ATE1: variants seen among roughly 807,000 people sequenced by gnomAD.
ATE1 encodes the protein arginyltransferase 1.
ATE1 carries 36 observed loss-of-function variants against 70.5 expected under a neutral mutation model. The ratio of observed to expected loss-of-function variants is 0.51; its 90% confidence interval spans 0.39 to 0.67. The LOEUF (loss-of-function observed/expected upper bound fraction) is 0.67. ATE1 is among the 30% of genes least tolerant of loss of function. The pLI, the probability that ATE1 is intolerant of heterozygous loss-of-function variation, is 0.00. For missense variants in ATE1, 593 were observed against 629.5 expected (o/e 0.94, Z 0.62); for synonymous variants, 232 against 219.3 (o/e 1.06, Z -0.51).
At chr10:121,847,963 C>G (rs552579310) in intron 8 of ATE1, among the ~76,000 whole-genome samples, 2 of 151,664 alleles carry the variant, frequency 1.3e-5, no homozygotes, top group African/African-American at 4.8e-5. Flanking sequence ...CCCAGCTACT[C>G]GGGAGGCTGA....
chr10:121,791,096 ATT>A lies in ATE1; in HGVS notation c.1258-809_1258-808del, dbSNP rs10584053. ...TGTGTGTGTGTGTGTGTGTATATAT[ATT>A]TTTTTTTTTTTTTGAGATAGATTCT... is the stretch of plus-strand genomic sequence containing the variant. On this transcript the variant is annotated intron_variant, in intron 10 of 11. Coordinates refer to ENST00000224652, the MANE Select transcript of ATE1 (RefSeq NM_001001976.3). Among the ~76,000 whole-genome samples the A allele has an allele frequency of 2.8e-4, 26 of 94,422 alleles. No homozygotes were observed. The East Asian group carries it at 5.4e-3, about 20-fold the overall frequency. The allele number at this position is 94,422 out of a possible 152,430, so 61.9% of individuals were successfully genotyped here. A position where few individuals can be genotyped will look rare whatever the true frequency, so the allele number is the denominator to read the frequency against.
chr10:121,920,634 A>C (rs1951844007), intron 3 of ATE1, among the ~76,000 whole-genome samples: 1 of 152,154 alleles, frequency 6.6e-6, no homozygotes, highest in Non-Finnish European at 1.5e-5. Context: ...AATCCAAAAG[A>C]TTATGAAAAA....
Position 121,752,318 on chromosome 10 carries a change from C to T in ATE1, c.1379-8460G>A, listed in dbSNP as rs1334998748. Among the ~76,000 whole-genome samples the T allele has an allele frequency of 2.0e-5, 3 of 150,736 alleles. No individual in the cohort carries two copies. The East Asian group carries it at 6.0e-4, about 30-fold the overall frequency. On this transcript the variant is annotated intron_variant, in intron 11 of 11. Transcript: ENST00000224652. ...CAACCTCTGCTCACTGCAAGCTCCGCCTTCCGGGTTCATGCCATTCTCCTG... is the reference window on the plus strand; with the variant it reads ...CAACCTCTGCTCACTGCAAGCTCCGTCTTCCGGGTTCATGCCATTCTCCTG...
intron 6 of ATE1, among the ~76,000 whole-genome samples, chr10:121,900,703 T>G (rs1170688770): frequency 6.6e-6 from 1 of 152,216 alleles, no homozygotes; most frequent in Non-Finnish European, 1.5e-5. Flanking sequence ...ACTGGACATG[T>G]GTGCCGTGAG....
intron 10 of ATE1, among the ~76,000 whole-genome samples, chr10:121,818,418 G>T (rs1392773764): frequency 1.3e-5 from 2 of 152,094 alleles, no homozygotes; most frequent in African/African-American, 2.4e-5. Flanking sequence ...ATGTTTCTAT[G>T]ATTTCAGTAA....
intron 11 of ATE1, among the ~76,000 whole-genome samples, chr10:121,745,599 C>T (rs762231426): frequency 6.5e-4 from 99 of 152,170 alleles, no homozygotes; most frequent in Non-Finnish European, 1.1e-3. Context: ...TGGTGGCGGG[C>T]GCCTGTAGTC....
Position 121,790,306 on chromosome 10 carries a change from G to A in ATE1, c.1258-17C>T, listed in dbSNP as rs1424163427. 5 of 1,608,434 alleles carry A rather than the reference G, an allele frequency of 3.1e-6. No homozygotes were observed. Among genetic ancestry groups the A allele is most frequent in the African/African-American group, 2.7e-5 (2 of 74,548 alleles). On this transcript the variant is annotated splice_polypyrimidine_tract_variant and intron_variant, in intron 10 of 11. Transcript: ENST00000224652. ...ATACTGACCCTGAAGAAAAGTGAAG[G>A]AAAAAGGCACAGGCATTATTAACAC... is the stretch of plus-strand genomic sequence containing the variant.
chr10:121,836,607 A>T, intron 10 of ATE1, 111 bp downstream of exon 10: 1 of 624,956 alleles, frequency 1.6e-6, no homozygotes, highest in Non-Finnish European at 2.7e-6. Context: ...ATTTCCTATT[A>T]ACCCATTCGT....
chr10:121,781,672 T>C (rs998996507), intron 11 of ATE1, among the ~76,000 whole-genome samples: 3 of 152,208 alleles, frequency 2.0e-5, no homozygotes, highest in African/African-American at 7.2e-5. Flanking sequence ...GAAACTAAGC[T>C]AAGACAGTCT....
chr10:121,802,781 G>A (rs1417986492), intron 10 of ATE1, among the ~76,000 whole-genome samples: 1 of 152,020 alleles, frequency 6.6e-6, no homozygotes, highest in Non-Finnish European at 1.5e-5. Context: ...CGTCTTCCAC[G>A]TTCCATACTA....
At chr10:121,889,520 G>A (rs1234638928) in intron 7 of ATE1, among the ~76,000 whole-genome samples, 1 of 152,012 alleles carries the variant, frequency 6.6e-6, no homozygotes, top group Admixed American at 6.6e-5. Flanking sequence ...TTCTATTTTG[G>A]GGCCAGGCAC....
At chr10:121,791,040 GTA>G (rs1197416606) in intron 10 of ATE1, among the ~76,000 whole-genome samples, 4 of 144,976 alleles carry the variant, frequency 2.8e-5, no homozygotes, top group Non-Finnish European at 4.5e-5. Context: ...GTATATATGT[GTA>G]TATATATGTA....
intron 11 of ATE1, 78 bp from the exon 12 acceptor site, chr10:121,743,936 T>C: frequency 7.1e-7 from 1 of 1,416,300 alleles, no homozygotes; most frequent in Non-Finnish European, 9.4e-7. Context: ...TTTTTTTTTT[T>C]TTTGAGACAA....
intron 8 of ATE1, among the ~76,000 whole-genome samples, chr10:121,857,219 T>G (rs575228919): frequency 6.6e-6 from 1 of 152,286 alleles, no homozygotes; most frequent in African/African-American, 2.4e-5. Flanking sequence ...AACACCCAGG[T>G]AGTTAAGCCT....
chr10:121,864,430 C>T (rs555376968), intron 8 of ATE1, among the ~76,000 whole-genome samples: 18 of 152,348 alleles, frequency 1.2e-4, no homozygotes, highest in Admixed American at 4.6e-4. Flanking sequence ...TCGCTGCTCA[C>T]CTGCTGAGTG....
intron 3 of ATE1, among the ~76,000 whole-genome samples, chr10:121,915,154 A>T (rs900388084): frequency 1.3e-5 from 2 of 152,230 alleles, no homozygotes; most frequent in African/African-American, 4.8e-5. Flanking sequence ...AGAACCTTTT[A>T]AAAAAATCCT....
chr10:121,854,406 T>A (rs889976265), intron 8 of ATE1, among the ~76,000 whole-genome samples: 2 of 152,234 alleles, frequency 1.3e-5, no homozygotes, highest in Non-Finnish European at 2.9e-5. Flanking sequence ...CAATTTTATC[T>A]TTTTAAAAAT....
intron 7 of ATE1, 145 bp from the exon 8 acceptor site, chr10:121,870,183 T>A (rs532949444): frequency 1.9e-5 from 14 of 724,004 alleles, no homozygotes; most frequent in Non-Finnish European, 3.0e-5. Context: ...AATGTGTCCA[T>A]AAAATTCATC....
At chr10:121,917,359 T>C in intron 3 of ATE1, among the ~76,000 whole-genome samples, 1 of 152,276 alleles carries the variant, frequency 6.6e-6, no homozygotes, top group Admixed American at 6.5e-5. Flanking sequence ...TGGTCATAGT[T>C]ATATACACTA....
Sources: allele counts gnomAD v4.1 joint callset (sites outside exome capture counted in the v4.1 genomes callset), GRCh38; gene constraint gnomAD v4.1.1; transcripts MANE v1.5; gene names NCBI Gene and HGNC (gene_info 2026-07-23, HGNC 2026-07-21).